ST7: variants seen among roughly 807,000 people sequenced by gnomAD.
ST7 encodes the protein suppression of tumorigenicity 7.
ST7 carries 28 observed loss-of-function variants against 78.7 expected under a neutral mutation model. The observed-to-expected ratio is 0.36, with a 90% CI of 0.26 to 0.49. ST7 has a LOEUF of 0.49. ST7 is among the 20% of genes least tolerant of loss of function. ST7 has a pLI of 0.99. For synonymous variants in ST7, 247 were observed against 249.6 expected (o/e 0.99, Z 0.10); for missense variants, 418 against 696.0 (o/e 0.60, Z 4.49).
chr7:117,213,629 A>T (rs563068722), intron 13 of ST7, among the ~76,000 whole-genome samples: 12 of 151,014 alleles, frequency 7.9e-5, no homozygotes, highest in African/African-American at 1.2e-4. Flanking sequence ...GGTTTGAAAC[A>T]TATGGTGGTT....
chr7:117,196,844 G>T (rs1810365539), intron 12 of ST7, among the ~76,000 whole-genome samples: 1 of 151,874 alleles, frequency 6.6e-6, no homozygotes, highest in Non-Finnish European at 1.5e-5. Flanking sequence ...TGCTTTTGGT[G>T]TCATATCTAA....
intron 1 of ST7, chr7:116,968,491 G>A (rs1793256747): frequency 1.8e-5 from 8 of 434,686 alleles, no homozygotes; most frequent in South Asian, 1.1e-4. Flanking sequence ...ACGGGTGTGC[G>A]CCACCATGCC....
Position 117,193,225 on chromosome 7 carries a change from A to G in ST7, c.1254+2289A>G, listed in dbSNP as rs563677730. ...GAATAATAGTCTTAGTTCTAATGAGACATCGGTGAAGGTTACAAACTCTTG... is the reference window on the plus strand; with the variant it reads ...GAATAATAGTCTTAGTTCTAATGAGGCATCGGTGAAGGTTACAAACTCTTG... On this transcript the variant is annotated intron_variant, in intron 12 of 15. Coordinates refer to ENST00000323984, the MANE Select transcript of ST7 (RefSeq NM_001369598.1). Among the ~76,000 whole-genome samples the G allele has an allele frequency of 2.0e-5, 3 of 152,156 alleles. No homozygotes were observed. The East Asian group carries it at 5.8e-4, about 29-fold the overall frequency.
chr7:117,022,173 T>G (rs577448125), intron 1 of ST7, among the ~76,000 whole-genome samples: 1 of 152,332 alleles, frequency 6.6e-6, no homozygotes, highest in Non-Finnish European at 1.5e-5. Flanking sequence ...CTGTATGGTA[T>G]GTGTGAAAAC....
At chr7:116,992,419 T>C (rs894029949) in intron 1 of ST7, among the ~76,000 whole-genome samples, 1 of 152,230 alleles carries the variant, frequency 6.6e-6, no homozygotes, top group Non-Finnish European at 1.5e-5. Flanking sequence ...TGTGGAAGCT[T>C]CCAAGGCTTG....
chr7:117,065,131 G>A (rs1463292944), intron 1 of ST7, among the ~76,000 whole-genome samples: 2 of 151,812 alleles, frequency 1.3e-5, no homozygotes, highest in East Asian at 3.9e-4. Flanking sequence ...GAGACTCAGT[G>A]AGGAAGCATT....
At position 117,160,189 on chromosome 7, in the gene ST7, C is replaced by T. The variant is rs568150354; in HGVS notation, c.964-10673C>T. Among the ~76,000 whole-genome samples, 166 of 147,296 alleles carry T rather than the reference C, an allele frequency of 1.1e-3. 1 individual carries two copies. Among genetic ancestry groups the T allele is most frequent in the African/African-American group, 4.0e-3 (160 of 39,748 alleles). On this transcript the variant is annotated intron_variant, in intron 9 of 15. Transcript: ENST00000323984. ...CGGAGGTTGCAGTGAGCCAAGATTG[C>T]CCCACTGCACTCCAGCCTGACCAAC...
intron 1 of ST7, among the ~76,000 whole-genome samples, chr7:117,086,435 C>A (rs907373414): frequency 6.6e-6 from 1 of 152,174 alleles, no homozygotes; most frequent in African/African-American, 2.4e-5. Flanking sequence ...AGGCGTTAGA[C>A]AATTGCTAAT....
At chr7:117,218,576 T>G (rs903050495) in intron 13 of ST7, among the ~76,000 whole-genome samples, 9 of 152,232 alleles carry the variant, frequency 5.9e-5, no homozygotes, top group Admixed American at 3.9e-4. Context: ...CATTTTTAGA[T>G]TTTTGTTTTT....
chr7:117,125,545 T>C (rs1803765047), intron 3 of ST7, among the ~76,000 whole-genome samples: 1 of 152,114 alleles, frequency 6.6e-6, no homozygotes, highest in African/African-American at 2.4e-5. Flanking sequence ...CAGTTAAAGC[T>C]TAATTATTTA....
intron 1 of ST7, among the ~76,000 whole-genome samples, chr7:116,986,430 A>G (rs1428592126): frequency 6.6e-6 from 1 of 152,248 alleles, no homozygotes; most frequent in Non-Finnish European, 1.5e-5. Context: ...TGAAAAATTC[A>G]GTTTCAGAAA....
chr7:117,173,816 G>A (rs1014519305), intron 10 of ST7, among the ~76,000 whole-genome samples: 5 of 152,076 alleles, frequency 3.3e-5, no homozygotes, highest in Non-Finnish European at 7.4e-5. Flanking sequence ...ACATTTGCTA[G>A]GTGGCTGAAT....
rs1260306315 is a variant in ST7, at chr7:117,211,491, T to C, written c.1405+1554T>C. ...CCAGCAGGGTTGAACGGGAGAGGCC[T>C]CACCTAGTGTCAGTTGTGGAGAAAT... is the stretch of plus-strand genomic sequence containing the variant. On this transcript the variant is annotated intron_variant, in intron 13 of 15. Coordinates refer to ENST00000323984, the MANE Select transcript of ST7 (RefSeq NM_001369598.1). 2.6e-5 allele frequency among the ~76,000 whole-genome samples: 4 copies of C among 152,310 alleles called. 1 individual carries two copies. Among genetic ancestry groups the C allele is most frequent in the Middle Eastern group, 6.8e-3 (2 of 294 alleles).
chr7:117,067,871 A>G (rs1165388511), intron 1 of ST7, among the ~76,000 whole-genome samples: 1 of 152,228 alleles, frequency 6.6e-6, no homozygotes, highest in Non-Finnish European at 1.5e-5. Flanking sequence ...AATTCTACAC[A>G]GTGACATTTC....
Position 117,221,962 on chromosome 7 carries a change from C to T in ST7, c.1538C>T (p.Pro513Leu). 1 of 1,612,168 alleles carries T rather than the reference C, an allele frequency of 6.2e-7. No individual in the cohort carries two copies. Among genetic ancestry groups the T allele is most frequent in the Non-Finnish European group, 8.5e-7 (1 of 1,179,226 alleles). Reference sequence around the variant, plus strand: ...TCAGTTTACCCAAAGAAGGAGCTTCCCTTCTTTATTCTCTTTACTGCTGGA... The same window carrying T: ...TCAGTTTACCCAAAGAAGGAGCTTCTCTTCTTTATTCTCTTTACTGCTGGA... ...EVSVYPKKEL[P>L]FFILFTAGLC... Residue 513 changes from proline to leucine, a missense_variant, in exon 15 of 16, where the codon CCC (proline) becomes CTC (leucine). Around this residue, in one of 4 missense-constraint regions of ST7, gnomAD observed 288 missense variants for 537.1 expected, o/e 0.54. Transcript: ENST00000323984.
chr7:117,041,643 C>T (rs896725821), intron 1 of ST7, among the ~76,000 whole-genome samples: 19 of 152,128 alleles, frequency 1.2e-4, no homozygotes, highest in African/African-American at 4.1e-4. Flanking sequence ...TATATGTATT[C>T]GCTGCATAGG....
At chr7:116,994,334 A>G (rs923332150) in intron 1 of ST7, among the ~76,000 whole-genome samples, 2 of 152,250 alleles carry the variant, frequency 1.3e-5, no homozygotes, top group Non-Finnish European at 2.9e-5. Flanking sequence ...TGAAGCAAAT[A>G]GACTGGAGGA....
intron 1 of ST7, among the ~76,000 whole-genome samples, chr7:116,999,624 A>AT (rs1794828861): frequency 6.6e-6 from 1 of 152,142 alleles, no homozygotes; most frequent in African/African-American, 2.4e-5. Context: ...TTAGAAGATG[A>AT]TATCTAGAAG....
intron 1 of ST7, among the ~76,000 whole-genome samples, chr7:117,096,537 C>A (rs929293505): frequency 6.6e-6 from 1 of 152,158 alleles, no homozygotes; most frequent in Non-Finnish European, 1.5e-5. Context: ...GTAATATTCC[C>A]GTGTGTCCCC....
Sources: gnomAD v4.1 joint callset for allele counts (sites outside exome capture counted in the v4.1 genomes callset) on GRCh38, gnomAD v4.1.1 for gene constraint, gnomAD v4.1.1 regional missense constraint, MANE v1.5 for transcripts, NCBI Gene and HGNC (gene_info 2026-07-23, HGNC 2026-07-21) for gene names.